Variants in CDC45 observed in about 807,000 individuals in gnomAD.
The protein encoded by CDC45 is cell division cycle 45.
In CDC45, 54 loss-of-function variants were observed where a neutral mutation model predicts 77.8. The observed-to-expected ratio is 0.69, with a 90% CI of 0.56 to 0.87. The LOEUF is 0.87. Ranked by LOEUF, CDC45 falls within the 40% of genes least tolerant of loss-of-function variation. The probability of loss-of-function intolerance (pLI) is 0.00; values close to 1 mark genes in which losing one functional copy is unlikely to be tolerated. For missense variants in CDC45, 649 were observed against 721.6 expected, an observed-to-expected ratio of 0.90 and a Z score of 1.15; for synonymous variants, 260 against 272.1, an observed-to-expected ratio of 0.96 and a Z score of 0.44.
intron 3 of CDC45, 79 bp downstream of exon 3, chr22:19,481,124 AGATT>A: frequency 2.2e-6 from 2 of 910,732 alleles, no homozygotes; most frequent in Non-Finnish European, 3.6e-6. Context: ...TTTCCACGAT[AGATT>A]AAGCGTGTAT....
At chr22:19,509,921 T>C (rs1933418035) in intron 13 of CDC45, among the ~76,000 whole-genome samples, 1 of 152,166 alleles carries the variant, frequency 6.6e-6, no homozygotes, top group African/African-American at 2.4e-5. Context: ...TGCCATACAA[T>C]TCACCCATTT....
Position 19,507,400 on chromosome 22 carries a change from T to A in CDC45, c.839T>A (p.Leu280His). Residue 280 changes from leucine to histidine, a missense_variant, in exon 11 of 19, where the codon CTC (leucine) becomes CAC (histidine). By Grantham distance (99) the Leu-to-His change is moderately conservative. Transcript: ENST00000263201. Reference sequence around the variant, plus strand: ...TGCAGGCCCAGCCTCCGCCTGGTGCTCTACCAGCACTGGTCCCTCCATGAC... The same window carrying A: ...TGCAGGCCCAGCCTCCGCCTGGTGCACTACCAGCACTGGTCCCTCCATGAC... ...ISFEYDLRLV[L>H]YQHWSLHDSL... The A allele has an allele frequency of 6.2e-7, 1 of 1,614,046 alleles. No individual in the cohort carries two copies. Among genetic ancestry groups the A allele is most frequent in the Non-Finnish European group, 8.5e-7 (1 of 1,180,020 alleles).
Position 19,516,856 on chromosome 22 carries a change from C to A in CDC45, c.1599C>A (p.Thr533=). ...GRAFEKAAES[T]SSRMLHNHFD... ...CGTTTGAGAAGGCAGCGGAAAGCAC[C>A]AGCTCCCGGATGCTGCACAACCATT... Residue 533 remains threonine, a synonymous_variant, in exon 17 of 19, where the codon ACC becomes ACA. Transcript: ENST00000263201. 1 of 1,614,096 alleles carries A rather than the reference C, an allele frequency of 6.2e-7. No individual in the cohort carries two copies. The highest frequency in any genetic ancestry group is 8.5e-7 in the Non-Finnish European group (1 of 1,179,976).
intron 9 of CDC45, among the ~76,000 whole-genome samples, chr22:19,503,983 C>T (rs1933008819): frequency 6.6e-6 from 1 of 152,248 alleles, no homozygotes; most frequent in Middle Eastern, 3.2e-3. Flanking sequence ...CGGGTGGCAG[C>T]CCATATAGTT....
chr22:19,484,366 A>C (rs762268292), intron 5 of CDC45, among the ~76,000 whole-genome samples: 3 of 152,220 alleles, frequency 2.0e-5, no homozygotes, highest in Non-Finnish European at 4.4e-5. Context: ...CAGTCACTGC[A>C]GAGGAGCAAT....
rs1176312009 is a variant in CDC45, at chr22:19,479,974, C to T, written c.6C>T (p.Phe2=). The change falls in exon 1 of 19, where the codon TTC becomes TTT. Residue 2 remains phenylalanine, a synonymous_variant. Transcript: ENST00000263201. ...GGCGTCCGGCCGCCGTGGCTATGTT[C>T]GTGTCCGATTTCCGCAAAGAGTTCT... The part of the protein sequence containing the change: M[F]VSDFRKEFYE... 9 of 1,613,602 alleles carry T rather than the reference C, an allele frequency of 5.6e-6. No individual in the cohort carries two copies. Among genetic ancestry groups the T allele is most frequent in the Non-Finnish European group, 5.9e-6 (7 of 1,180,026 alleles).
chr22:19,486,756 C>T (rs979236801), intron 5 of CDC45, among the ~76,000 whole-genome samples: 4 of 152,132 alleles, frequency 2.6e-5, no homozygotes, highest in Admixed American at 2.0e-4. Context: ...GATCTCGGCT[C>T]ACTGCAAGCT....
At chr22:19,498,543 A>G (rs2090284756) in intron 8 of CDC45, among the ~76,000 whole-genome samples, 1 of 152,234 alleles carries the variant, frequency 6.6e-6, no homozygotes, top group African/African-American at 2.4e-5. Flanking sequence ...ATGAGCCTGA[A>G]GATGGGAGCC....
chr22:19,519,629 C>T (rs13447295), intron 18 of CDC45, among the ~76,000 whole-genome samples: 1 of 152,248 alleles, frequency 6.6e-6, no homozygotes, highest in East Asian at 1.9e-4. Flanking sequence ...GGCAGATGGG[C>T]CCTGCCAAGA....
At chr22:19,490,295 T>TA (rs2090134268) in intron 5 of CDC45, among the ~76,000 whole-genome samples, 1 of 152,242 alleles carries the variant, frequency 6.6e-6, no homozygotes, top group Non-Finnish European at 1.5e-5. Context: ...ACTGACATGT[T>TA]AGGGCTTAAG....
At chr22:19,512,351 T>G (rs1933563343) in intron 13 of CDC45, among the ~76,000 whole-genome samples, 1 of 152,252 alleles carries the variant, frequency 6.6e-6, no homozygotes, top group Non-Finnish European at 1.5e-5. Context: ...TAGGTCTCAC[T>G]ACCTCTTGGC....
intron 8 of CDC45, among the ~76,000 whole-genome samples, chr22:19,497,955 G>T (rs1427139739): frequency 6.6e-6 from 1 of 151,988 alleles, no homozygotes; most frequent in African/African-American, 2.4e-5. Flanking sequence ...ACTTTGGAAG[G>T]TCAGGAATTC....
chr22:19,494,591 A>G (rs2090209853), intron 6 of CDC45: 1 of 1,545,414 alleles, frequency 6.5e-7, no homozygotes, highest in East Asian at 2.4e-5. Context: ...GGACAGCCCC[A>G]AGGTCTCCCA....
chr22:19,504,142 T>C (rs765024247), intron 9 of CDC45, among the ~76,000 whole-genome samples: 93 of 152,310 alleles, frequency 6.1e-4, no homozygotes, highest in Non-Finnish European at 1.1e-3. Flanking sequence ...CCAGCAGGTT[T>C]GTATGCCTGC....
chr22:19,484,376 T>C (rs1291405431), intron 5 of CDC45, among the ~76,000 whole-genome samples: 1 of 152,174 alleles, frequency 6.6e-6, no homozygotes, highest in East Asian at 1.9e-4. Context: ...AGAGGAGCAA[T>C]GTGGGTCTGC....
intron 13 of CDC45, among the ~76,000 whole-genome samples, chr22:19,514,470 A>T (rs1933671459): frequency 6.6e-6 from 1 of 152,142 alleles, no homozygotes; most frequent in African/African-American, 2.4e-5. Context: ...CCTGTGTCAG[A>T]GTCCTCCTGG....
intron 9 of CDC45, among the ~76,000 whole-genome samples, chr22:19,501,527 C>T (rs1190578044): frequency 6.6e-6 from 1 of 152,116 alleles, no homozygotes; most frequent in Non-Finnish European, 1.5e-5. Context: ...CATATTATAA[C>T]CCTTTCTTAA....
At chr22:19,502,904 G>C (rs1932954950) in intron 9 of CDC45, among the ~76,000 whole-genome samples, 1 of 152,118 alleles carries the variant, frequency 6.6e-6, no homozygotes, top group African/African-American at 2.4e-5. Flanking sequence ...AGACAGAAAA[G>C]AGACAGGGGT....
intron 9 of CDC45, among the ~76,000 whole-genome samples, chr22:19,499,546 T>C (rs944481696): frequency 6.6e-6 from 1 of 151,900 alleles, no homozygotes; most frequent in Non-Finnish European, 1.5e-5. Flanking sequence ...GGACCCTGAG[T>C]ATCTTGCCAA....
Sources: gnomAD v4.1 joint callset for allele counts (sites outside exome capture counted in the v4.1 genomes callset) on GRCh38, gnomAD v4.1.1 for gene constraint, MANE v1.5 for transcripts, NCBI Gene and HGNC (gene_info 2026-07-23, HGNC 2026-07-21) for gene names.